The following TMEM163 variants were observed in gnomAD, a reference collection of about 807,000 sequenced individuals.
The protein encoded by TMEM163 is transmembrane protein 163.
A neutral mutation model predicts 29.3 loss-of-function variants in TMEM163; 17 were observed. The ratio of observed to expected loss-of-function variants is 0.58; its 90% confidence interval spans 0.40 to 0.87. The LOEUF is 0.87. Ranked by LOEUF, TMEM163 falls within the 40% of genes least tolerant of loss-of-function variation. The pLI is 0.00. For missense variants in TMEM163, 303 were observed against 381.5 expected, an observed-to-expected ratio of 0.79 and a Z score of 1.71; for synonymous variants, 157 against 160.6, an observed-to-expected ratio of 0.98 and a Z score of 0.17.
At chr2:134,595,178 T>C (rs1273107106) in intron 2 of TMEM163, among the ~76,000 whole-genome samples, 1 of 152,124 alleles carries the variant, frequency 6.6e-6, no homozygotes, top group African/African-American at 2.4e-5. Context: ...GTTTGTTACA[T>C]ATGTATACAT....
intron 2 of TMEM163, among the ~76,000 whole-genome samples, chr2:134,701,958 A>G (rs555280286): frequency 6.6e-6 from 1 of 151,182 alleles, no homozygotes; most frequent in South Asian, 2.1e-4. Context: ...CAGAAGGCTG[A>G]AATCTCCATC....
chr2:134,498,127 G>T (rs1422216373), intron 5 of TMEM163, among the ~76,000 whole-genome samples: 1 of 152,124 alleles, frequency 6.6e-6, no homozygotes, highest in Non-Finnish European at 1.5e-5. Flanking sequence ...TTACCTAAGA[G>T]GGGCCCCAGA....
intron 2 of TMEM163, among the ~76,000 whole-genome samples, chr2:134,625,240 C>T (rs544015851): frequency 5.7e-4 from 86 of 151,942 alleles, no homozygotes; most frequent in African/African-American, 1.5e-3. Flanking sequence ...TAATGCCTCT[C>T]AAAAAAAAGA....
chr2:134,606,343 C>CA (rs11320775), intron 2 of TMEM163, among the ~76,000 whole-genome samples: 184 of 147,168 alleles, frequency 1.3e-3, no homozygotes, highest in Middle Eastern at 3.5e-3. Flanking sequence ...AACTCCGTCT[C>CA]AAAAAAAAAA....
chr2:134,577,140 G>A (rs1313347827), intron 2 of TMEM163, among the ~76,000 whole-genome samples: 1 of 152,162 alleles, frequency 6.6e-6, no homozygotes, highest in Non-Finnish European at 1.5e-5. Flanking sequence ...TAGGGTACCT[G>A]CCATGTTTTG....
chr2:134,620,326 G>A (rs1431635079), intron 2 of TMEM163, among the ~76,000 whole-genome samples: 2 of 151,208 alleles, frequency 1.3e-5, no homozygotes, highest in African/African-American at 4.9e-5. Context: ...GCGCGATCTC[G>A]GCTCACTGCA....
chr2:134,530,115 G>A lies in TMEM163; in HGVS notation c.458+20455C>T, dbSNP rs550117609. 1.3e-4 allele frequency among the ~76,000 whole-genome samples: 20 copies of A among 152,218 alleles called. No individual in the cohort carries two copies. The East Asian group carries it at 2.1e-3, about 16-fold the overall frequency. On this transcript the variant is annotated intron_variant, in intron 4 of 7. Transcript: ENST00000281924. ...CAGAAGCAAGAGATATGTAGAGGCCGGGGAAGGGGACGCATCTGCTCTTCC... is the reference window on the plus strand; with the variant it reads ...CAGAAGCAAGAGATATGTAGAGGCCAGGGAAGGGGACGCATCTGCTCTTCC...
chr2:134,689,963 C>G (rs1366767068), intron 2 of TMEM163, among the ~76,000 whole-genome samples: 1 of 152,096 alleles, frequency 6.6e-6, no homozygotes, highest in African/African-American at 2.4e-5. Flanking sequence ...CAGAGTCTCA[C>G]CCTGGCACTC....
chr2:134,490,678 A>G (rs1035203318), intron 5 of TMEM163, among the ~76,000 whole-genome samples: 1 of 152,158 alleles, frequency 6.6e-6, no homozygotes, highest in Non-Finnish European at 1.5e-5. Flanking sequence ...GGTAACAAAT[A>G]CTCATATGCT....
At chr2:134,650,159 A>G (rs1159295496) in intron 2 of TMEM163, among the ~76,000 whole-genome samples, 2 of 152,088 alleles carry the variant, frequency 1.3e-5, no homozygotes, top group Non-Finnish European at 2.9e-5. Context: ...ACTATATTAT[A>G]TATGCTTTAG....
intron 2 of TMEM163, among the ~76,000 whole-genome samples, chr2:134,661,408 AT>A (rs1158324912): frequency 1.3e-5 from 2 of 152,214 alleles, no homozygotes; most frequent in Non-Finnish European, 2.9e-5. Context: ...CCAGGTATTT[AT>A]TTGCAGGAGA....
intron 2 of TMEM163, among the ~76,000 whole-genome samples, chr2:134,637,081 C>T (rs1288947674): frequency 1.3e-5 from 2 of 152,236 alleles, no homozygotes; most frequent in Non-Finnish European, 2.9e-5. Flanking sequence ...CTGAATTACT[C>T]TTTCTCTATT....
At chr2:134,672,849 T>C (rs1684022106) in intron 2 of TMEM163, among the ~76,000 whole-genome samples, 1 of 152,068 alleles carries the variant, frequency 6.6e-6, no homozygotes, top group Non-Finnish European at 1.5e-5. Flanking sequence ...TACCTCCCCA[T>C]CTACCCTGGA....
At chr2:134,478,065 T>C (rs1376111536) in intron 5 of TMEM163, among the ~76,000 whole-genome samples, 1 of 152,212 alleles carries the variant, frequency 6.6e-6, no homozygotes, top group Non-Finnish European at 1.5e-5. Flanking sequence ...TGGAACCTCC[T>C]TGTTCCCACT....
intron 4 of TMEM163, among the ~76,000 whole-genome samples, chr2:134,521,317 T>C (rs891484348): frequency 1.3e-5 from 2 of 152,112 alleles, no homozygotes; most frequent in Admixed American, 6.5e-5. Context: ...TTTCTAAGGC[T>C]TAGGCATGGC....
At chr2:134,590,829 G>A (rs1207197475) in intron 2 of TMEM163, among the ~76,000 whole-genome samples, 2 of 152,138 alleles carry the variant, frequency 1.3e-5, no homozygotes, top group East Asian at 3.9e-4. Context: ...CAGGCAGTTA[G>A]GATAGGTCCT....
chr2:134,507,253 T>G (rs1329000887), intron 4 of TMEM163, among the ~76,000 whole-genome samples: 1 of 151,824 alleles, frequency 6.6e-6, no homozygotes, highest in Non-Finnish European at 1.5e-5. Flanking sequence ...GGAGAATCGC[T>G]TGAACCTGGG....
At chr2:134,656,074 A>G (rs1574315012) in intron 2 of TMEM163, among the ~76,000 whole-genome samples, 2 of 144,136 alleles carry the variant, frequency 1.4e-5, no homozygotes, top group South Asian at 4.5e-4. Flanking sequence ...GGTGGGCTCC[A>G]CCCAGTTCGA....
chr2:134,550,269 CA>C (rs1414511995), intron 4 of TMEM163, among the ~76,000 whole-genome samples: 2 of 152,134 alleles, frequency 1.3e-5, no homozygotes, highest in African/African-American at 2.4e-5. Context: ...TCCAAGAGAA[CA>C]AAGATTCCGA....
Sources: gnomAD v4.1 joint callset for allele counts (sites outside exome capture counted in the v4.1 genomes callset) on GRCh38, gnomAD v4.1.1 for gene constraint, MANE v1.5 for transcripts, NCBI Gene and HGNC (gene_info 2026-07-23, HGNC 2026-07-21) for gene names.